The following NR2F1-AS1 variants were observed in gnomAD, a reference collection of about 807,000 sequenced individuals.
NR2F1-AS1 encodes the protein NR2F1 regulatory antisense RNA 1, also known as NR2F1 antisense RNA 1.
intron 4 of NR2F1-AS1, among the ~76,000 whole-genome samples, chr5:93,474,288 G>A (rs1244685282): frequency 6.6e-6 from 1 of 152,134 alleles, no homozygotes; most frequent in African/African-American, 2.4e-5. Flanking sequence ...CTAATAACAT[G>A]TCAATAACTT....
At chr5:93,489,644 CTAATT>C (rs1395766337) in intron 4 of NR2F1-AS1, among the ~76,000 whole-genome samples, 1 of 151,958 alleles carries the variant, frequency 6.6e-6, no homozygotes, top group Non-Finnish European at 1.5e-5. Context: ...GTGAGACAGC[CTAATT>C]TAATAAAATT....
intron 4 of NR2F1-AS1, among the ~76,000 whole-genome samples, chr5:93,430,528 C>T (rs1351188937): frequency 6.6e-6 from 1 of 152,120 alleles, no homozygotes; most frequent in Non-Finnish European, 1.5e-5. Flanking sequence ...TCGATATATA[C>T]ATATACACCA....
chr5:93,479,270 G>A (rs920480359), intron 4 of NR2F1-AS1, among the ~76,000 whole-genome samples: 5 of 152,118 alleles, frequency 3.3e-5, no homozygotes, highest in African/African-American at 1.2e-4. Context: ...TTCACTGAGG[G>A]GCCAGTACAG....
chr5:93,445,772 C>T (rs1749691064), intron 4 of NR2F1-AS1, among the ~76,000 whole-genome samples: 1 of 152,074 alleles, frequency 6.6e-6, no homozygotes, highest in African/African-American at 2.4e-5. Flanking sequence ...GACCAATATC[C>T]CTGATGAACA....
At chr5:93,464,068 T>C (rs542651342) in intron 4 of NR2F1-AS1, among the ~76,000 whole-genome samples, 1 of 152,270 alleles carries the variant, frequency 6.6e-6, no homozygotes, top group South Asian at 2.1e-4. Flanking sequence ...TGATATGGTT[T>C]GGCTGTGTCC....
chr5:93,563,017 G>A (rs180966253), intron 2 of NR2F1-AS1, among the ~76,000 whole-genome samples: 2 of 152,310 alleles, frequency 1.3e-5, no homozygotes, highest in East Asian at 3.9e-4. Flanking sequence ...CGAATTGTAA[G>A]TCACAGCTAC....
intron 4 of NR2F1-AS1, among the ~76,000 whole-genome samples, chr5:93,523,625 G>C (rs1335711921): frequency 6.6e-6 from 1 of 152,174 alleles, no homozygotes; most frequent in Non-Finnish European, 1.5e-5. Flanking sequence ...TCTGGCAGGT[G>C]CCCCTCTGGG....
In NR2F1-AS1 at chr5:93,430,861, T is replaced by TATCATCATCATCATCATCATC. The variant is rs138817898; in HGVS notation, n.639-35340_639-35320dup. 8.3e-3 allele frequency among the ~76,000 whole-genome samples: 1,236 copies of TATCATCATCATCATCATCATC among 149,630 alleles called. 17 individuals carry two copies. The highest frequency in any genetic ancestry group is 0.028 in the African/African-American group (1,121 of 40,194). On this transcript the variant is annotated intron_variant and non_coding_transcript_variant, in intron 4 of 5. Coordinates refer to ENST00000660523, the Ensembl canonical transcript of NR2F1-AS1. ...TGTGTTGTCACTGTCTCCCTTGCTT[T>TATCATCATCATCATCATCATC]ATCATCATCATCATCATCATCATCA...
intron 4 of NR2F1-AS1, among the ~76,000 whole-genome samples, chr5:93,488,009 T>G (rs150992606): frequency 0.017 from 2,564 of 152,256 alleles, 75 homozygotes; most frequent in African/African-American, 0.059. Context: ...CCCTATTTAA[T>G]AAATGGTATT....
chr5:93,539,025 T>C (rs1302054616), intron 4 of NR2F1-AS1, among the ~76,000 whole-genome samples: 1 of 152,208 alleles, frequency 6.6e-6, no homozygotes, highest in East Asian at 1.9e-4. Flanking sequence ...ATGCCTGTAA[T>C]ACCAACACTT....
intron 4 of NR2F1-AS1, among the ~76,000 whole-genome samples, chr5:93,429,253 A>C (rs760976518): frequency 2.8e-4 from 43 of 152,156 alleles, no homozygotes; most frequent in Admixed American, 3.3e-4. Context: ...AGCAATTATA[A>C]TAACACTAAC....
intron 4 of NR2F1-AS1, chr5:93,432,310 A>C (rs1025005999): frequency 6.6e-6 from 1 of 152,216 alleles, no homozygotes; most frequent in East Asian, 1.9e-4. Flanking sequence ...GTGGTCATTA[A>C]TTCTACTGAA....
At chr5:93,488,321 A>G (rs568821767) in intron 4 of NR2F1-AS1, among the ~76,000 whole-genome samples, 1 of 152,322 alleles carries the variant, frequency 6.6e-6, no homozygotes, top group Admixed American at 6.5e-5. Context: ...GAATGGGAGA[A>G]AATTTTTGCA....
intron 4 of NR2F1-AS1, among the ~76,000 whole-genome samples, chr5:93,548,955 G>A (rs1008623790): frequency 6.6e-6 from 1 of 151,992 alleles, no homozygotes; most frequent in Non-Finnish European, 1.5e-5. Flanking sequence ...AATTATACCA[G>A]GGTATAACAT....
At chr5:93,582,060 CCT>C (rs1753107071), upstream of NR2F1-AS1, among the ~76,000 whole-genome samples, 1 of 137,590 alleles carries the variant, frequency 7.3e-6, no homozygotes, top group African/African-American at 2.7e-5. Flanking sequence ...TCTTTCCTTT[CCT>C]CTCCTCTCTC....
At chr5:93,480,018 A>AACAGAGTCT (rs1236087461) in intron 4 of NR2F1-AS1, among the ~76,000 whole-genome samples, 2 of 152,110 alleles carry the variant, frequency 1.3e-5, no homozygotes, top group Non-Finnish European at 2.9e-5. Flanking sequence ...AAGCAAAATA[A>AACAGAGTCT]ACAGAGTCTA....
upstream of NR2F1-AS1, among the ~76,000 whole-genome samples, chr5:93,581,678 C>G (rs1454082179): frequency 5.6e-5 from 2 of 35,420 alleles, no homozygotes; most frequent in African/African-American, 1.9e-4. Context: ...GTCTCTCTCT[C>G]TCTCTCTCTC....
intron 4 of NR2F1-AS1, among the ~76,000 whole-genome samples, chr5:93,483,108 G>C (rs1243982086): frequency 6.6e-6 from 1 of 152,184 alleles, no homozygotes; most frequent in Non-Finnish European, 1.5e-5. Flanking sequence ...CTAAGGGACA[G>C]ACTGCCTCCT....
chr5:93,539,825 T>C (rs549357858), intron 4 of NR2F1-AS1, among the ~76,000 whole-genome samples: 2 of 152,324 alleles, frequency 1.3e-5, no homozygotes, highest in South Asian at 4.1e-4. Flanking sequence ...GTAACCTGAT[T>C]GGATGATTAT....
Sources: gnomAD v4.1 joint callset for allele counts (sites outside exome capture counted in the v4.1 genomes callset) on GRCh38, gnomAD v4.1.1 for gene constraint, MANE v1.5 for transcripts, NCBI Gene and HGNC (gene_info 2026-07-23, HGNC 2026-07-21) for gene names.